The following INPP5D variants were observed in gnomAD, a reference collection of about 807,000 sequenced individuals.
The protein encoded by INPP5D is phosphatidylinositol 3,4,5-trisphosphate 5-phosphatase 1.
Under a neutral mutation model 122.9 loss-of-function variants are expected in INPP5D, and 33 were observed. The ratio of observed to expected loss-of-function variants is 0.27; its 90% CI spans 0.20 to 0.36. INPP5D has a LOEUF of 0.36. Ranked by LOEUF, INPP5D falls within the 10% of genes least tolerant of loss-of-function variation. INPP5D has a pLI of 1.00. For missense variants in INPP5D, 1,053 were observed against 1,412.7 expected, an observed-to-expected ratio of 0.75 and a Z score of 4.08; for synonymous variants, 584 against 576.2, an observed-to-expected ratio of 1.01 and a Z score of -0.19.
intron 17 of INPP5D, among the ~76,000 whole-genome samples, chr2:233,172,816 G>T (rs980422334): frequency 6.6e-6 from 1 of 152,156 alleles, no homozygotes; most frequent in African/African-American, 2.4e-5. Flanking sequence ...CTACAAACCC[G>T]TATAGCATGT....
At chr2:233,088,313 A>T (rs1362799396) in intron 2 of INPP5D, among the ~76,000 whole-genome samples, 4 of 152,024 alleles carry the variant, frequency 2.6e-5, no homozygotes, top group African/African-American at 9.7e-5. Flanking sequence ...TGCCTGGCTG[A>T]TCTTCATGTT....
At chr2:233,101,368 A>G (rs1692306495) in intron 2 of INPP5D, among the ~76,000 whole-genome samples, 2 of 152,194 alleles carry the variant, frequency 1.3e-5, no homozygotes, top group South Asian at 4.2e-4. Context: ...ACATCTGCCA[A>G]GTCCTGGCGA....
At chr2:233,136,767 A>T (rs569908397) in intron 5 of INPP5D, among the ~76,000 whole-genome samples, 37 of 152,336 alleles carry the variant, frequency 2.4e-4, no homozygotes, top group Middle Eastern at 3.4e-3. Context: ...GGAGACGAGG[A>T]GGACAAGATG....
intron 2 of INPP5D, among the ~76,000 whole-genome samples, chr2:233,099,195 C>T (rs1559290310): frequency 1.3e-5 from 2 of 152,186 alleles, no homozygotes; most frequent in Non-Finnish European, 2.9e-5. Context: ...AGGTGATTCA[C>T]CCACCTTGGC....
At chr2:233,083,461 G>C (rs1691743919) in intron 2 of INPP5D, among the ~76,000 whole-genome samples, 1 of 152,212 alleles carries the variant, frequency 6.6e-6, no homozygotes, top group South Asian at 2.1e-4. Flanking sequence ...TGCTTTTCCT[G>C]GTTGGGGGAG....
intron 8 of INPP5D, among the ~76,000 whole-genome samples, chr2:233,147,076 A>G (rs925375502): frequency 6.6e-6 from 1 of 152,208 alleles, no homozygotes. Flanking sequence ...TTATCAGTAA[A>G]TGTTCAATCA....
Position 233,125,739 on chromosome 2 carries a change from C to T in INPP5D, c.350-6C>T, listed in dbSNP as rs1384318050. The stretch of plus-strand genomic sequence containing the variant: ...TCACCAATGGCCTTCCTGCTGTTCT[C>T]TCCAGTAGAAAGTGTCGTGTCTCCA... On this transcript the variant is annotated splice_polypyrimidine_tract_variant and splice_region_variant and intron_variant, in intron 3 of 26. Transcript: ENST00000445964. 6.2e-7 allele frequency: 1 copy of T among 1,611,158 alleles called. No homozygotes were observed. The highest frequency in any genetic ancestry group is 8.5e-7 in the Non-Finnish European group (1 of 1,178,384).
intron 1 of INPP5D, among the ~76,000 whole-genome samples, chr2:233,072,845 T>G (rs1408834035): frequency 6.6e-6 from 1 of 152,258 alleles, no homozygotes; most frequent in Non-Finnish European, 1.5e-5. Flanking sequence ...CCCAGGGTCC[T>G]GGCAGGAAAT....
At chr2:233,199,649 A>G (rs1180819963) in intron 25 of INPP5D, among the ~76,000 whole-genome samples, 1 of 151,990 alleles carries the variant, frequency 6.6e-6, no homozygotes, top group African/African-American at 2.4e-5. Flanking sequence ...CTAACATAGT[A>G]AAACCCCATC....
At chr2:233,185,548 G>A (rs571355967) in intron 20 of INPP5D, among the ~76,000 whole-genome samples, 1 of 151,780 alleles carries the variant, frequency 6.6e-6, no homozygotes, top group East Asian at 1.9e-4. Context: ...CCTGTGATGT[G>A]ATGATTTCTT....
At chr2:233,106,285 A>G (rs1180522606) in intron 2 of INPP5D, among the ~76,000 whole-genome samples, 1 of 151,796 alleles carries the variant, frequency 6.6e-6, no homozygotes, top group African/African-American at 2.4e-5. Context: ...ACCAGGCTGG[A>G]CTCCAGGTTT....
intron 4 of INPP5D, among the ~76,000 whole-genome samples, chr2:233,126,295 C>T (rs1409131382): frequency 1.3e-5 from 2 of 152,140 alleles, no homozygotes; most frequent in African/African-American, 2.4e-5. Flanking sequence ...CTCCATTGCC[C>T]CCCAAAGAAA....
At chr2:233,124,624 C>A (rs977201027) in intron 3 of INPP5D, among the ~76,000 whole-genome samples, 1 of 152,252 alleles carries the variant, frequency 6.6e-6, no homozygotes, top group Non-Finnish European at 1.5e-5. Flanking sequence ...CAGCTGCCCC[C>A]AGGCGCCCAG....
At chr2:233,185,532 T>A (rs968014248) in intron 20 of INPP5D, among the ~76,000 whole-genome samples, 3 of 151,954 alleles carry the variant, frequency 2.0e-5, no homozygotes, top group African/African-American at 4.8e-5. Context: ...TTTCCTAATC[T>A]TTTTGCCTGT....
rs1426225390 is a variant in INPP5D at position 233,128,352 on chromosome 2, C to T, written c.525-2156C>T. Among the ~76,000 whole-genome samples, 1 of 152,144 alleles carries T rather than the reference C, an allele frequency of 6.6e-6. No individual in the cohort carries two copies. The highest frequency in any genetic ancestry group is 1.5e-5 in the Non-Finnish European group (1 of 68,030). On this transcript the variant is annotated intron_variant, in intron 4 of 26. Coordinates refer to ENST00000445964, the MANE Select transcript of INPP5D (RefSeq NM_001017915.3). The surrounding 1 kb of genome is among the most constrained non-coding windows in gnomAD (Gnocchi z 4.5). ...TTAATACTATAGAAGAGATGTTTGTCCCTTTTAGTAAACAGACTCAGGCAG... is the reference window on the plus strand; with the variant it reads ...TTAATACTATAGAAGAGATGTTTGTTCCTTTTAGTAAACAGACTCAGGCAG...
intron 1 of INPP5D, among the ~76,000 whole-genome samples, chr2:233,077,145 A>C (rs1002451159): frequency 2.0e-5 from 3 of 152,192 alleles, no homozygotes; most frequent in African/African-American, 7.2e-5. Context: ...GAAAAAAACA[A>C]ATTTCAGAAA....
At chr2:233,167,955 A>C (rs1433659866) in intron 13 of INPP5D, among the ~76,000 whole-genome samples, 1 of 139,004 alleles carries the variant, frequency 7.2e-6, no homozygotes, top group Non-Finnish European at 1.5e-5. Context: ...CAGTAAGCAG[A>C]GATCGCGCCA....
At chr2:233,126,792 C>T (rs776199631) in intron 4 of INPP5D, among the ~76,000 whole-genome samples, 3 of 151,928 alleles carry the variant, frequency 2.0e-5, no homozygotes, top group Non-Finnish European at 2.9e-5. Context: ...TGGTGGCGGG[C>T]GCCTATAATC....
At position 233,069,063 on chromosome 2, in the gene INPP5D, G is replaced by A. The variant is rs575447737; in HGVS notation, c.134+8451G>A. The stretch of plus-strand genomic sequence containing the variant: ...GAAGGAGCACAGCATGTTCCATGAC[G>A]GGGGTACTCAGGCTTGACAGGTGCG... On this transcript the variant is annotated intron_variant, in intron 1 of 26. Coordinates refer to ENST00000445964, the MANE Select transcript of INPP5D (RefSeq NM_001017915.3). Among the ~76,000 whole-genome samples, 4 of 152,228 alleles carry A rather than the reference G, an allele frequency of 2.6e-5. No homozygotes were observed. The East Asian group carries it at 5.8e-4, about 22-fold the overall frequency.
Sources: allele counts gnomAD v4.1 joint callset (sites outside exome capture counted in the v4.1 genomes callset), GRCh38; gene constraint gnomAD v4.1.1; non-coding constraint Gnocchi (gnomAD v3.1); transcripts MANE v1.5; gene names NCBI Gene and HGNC (gene_info 2026-07-23, HGNC 2026-07-21).